Variants in NRDE2 observed in about 807,000 individuals in gnomAD.
The protein encoded by NRDE2 is NRDE-2, necessary for RNA interference, domain containing.
A neutral mutation model predicts 124.2 loss-of-function variants in NRDE2; 76 were observed. The ratio of observed to expected loss-of-function variants is 0.61; its 90% CI spans 0.51 to 0.74. The LOEUF (loss-of-function observed/expected upper bound fraction) is 0.74. Ranked by LOEUF, NRDE2 falls within the 30% of genes least tolerant of loss-of-function variation. The probability of loss-of-function intolerance (pLI) is 0.00; values close to 1 mark genes in which losing one functional copy is unlikely to be tolerated. For missense variants in NRDE2, 1,314 were observed against 1,417.3 expected, an observed-to-expected ratio of 0.93 and a Z score of 1.17; for synonymous variants, 489 against 528.1, an observed-to-expected ratio of 0.93 and a Z score of 1.01.
At chr14:90,302,661 A>G in intron 6 of NRDE2, 59 bp downstream of exon 6, 1 of 1,447,968 alleles carries the variant, frequency 6.9e-7, no homozygotes, top group Non-Finnish European at 9.3e-7. Context: ...TTCATTTTCA[A>G]GTAAAGCCAA....
intron 13 of NRDE2, chr14:90,278,793 C>T (rs1426474237): frequency 5.5e-6 from 3 of 542,520 alleles, no homozygotes; most frequent in Non-Finnish European, 9.9e-6. Flanking sequence ...ACTCTTTCAG[C>T]ATCTGGGCTG....
chr14:90,328,484 A>G (rs1205874302), intron 1 of NRDE2, among the ~76,000 whole-genome samples: 19 of 152,216 alleles, frequency 1.2e-4, no homozygotes, highest in Admixed American at 1.2e-3. Flanking sequence ...AACCTAAACA[A>G]TAATCATAAA....
Position 90,278,353 on chromosome 14 carries a change from G to T in NRDE2, c.3478C>A (p.Leu1160Met), listed in dbSNP as rs1039648672. ...GCTGCTCTCTAATCCTCCAGCAGCA[G>T]CTCCAGCTCCTCCAGCGGCAGGCGC... ...RVRLPLEELE[L>M]LLED Residue 1160 changes from leucine to methionine, a missense_variant, in exon 14 of 14, where the codon CTG (leucine) becomes ATG (methionine). Transcript: ENST00000354366. 4 of 1,614,120 alleles carry T rather than the reference G, an allele frequency of 2.5e-6. No homozygotes were observed. The highest frequency in any genetic ancestry group is 3.4e-6 in the Non-Finnish European group (4 of 1,179,966).
At chr14:90,297,940 C>CAAAAAA in intron 8 of NRDE2, among the ~76,000 whole-genome samples, 1 of 96,550 alleles carries the variant, frequency 1.0e-5, no homozygotes, top group African/African-American at 3.8e-5. Context: ...GATTCTGTCT[C>CAAAAAA]AAAAAAAAAA....
chr14:90,302,280 A>T (rs115425190), intron 6 of NRDE2, among the ~76,000 whole-genome samples: 4,220 of 152,302 alleles, frequency 0.028, 201 homozygotes, highest in African/African-American at 0.096. Flanking sequence ...TTAATGTTCC[A>T]GGTTCCTTCA....
intron 1 of NRDE2, among the ~76,000 whole-genome samples, chr14:90,323,290 G>A (rs1030605527): frequency 2.0e-5 from 3 of 152,090 alleles, no homozygotes; most frequent in African/African-American, 7.2e-5. Context: ...TCTACCACTA[G>A]TAAAAATGCT....
chr14:90,314,367 A>G (rs1884963844), intron 3 of NRDE2, among the ~76,000 whole-genome samples: 1 of 152,246 alleles, frequency 6.6e-6, no homozygotes, highest in African/African-American at 2.4e-5. Context: ...CTTCTTGGGA[A>G]GAGAATACAT....
intron 12 of NRDE2, chr14:90,281,225 G>A (rs1287390275): frequency 1.3e-5 from 2 of 152,792 alleles, no homozygotes; most frequent in Non-Finnish European, 2.9e-5. Flanking sequence ...TCAGTAGTTC[G>A]AGACCAGCCT....
intron 7 of NRDE2, among the ~76,000 whole-genome samples, chr14:90,299,697 C>A (rs575090787): frequency 6.6e-6 from 1 of 152,264 alleles, no homozygotes; most frequent in Non-Finnish European, 1.5e-5. Flanking sequence ...CAGGGCAGGG[C>A]AAACGTCCTG....
chr14:90,286,907 G>T lies in NRDE2; in HGVS notation c.3159-415C>A, dbSNP rs184140984. Among the ~76,000 whole-genome samples, 285 of 151,780 alleles carry T rather than the reference G, an allele frequency of 1.9e-3. 1 individual carries two copies. The highest frequency in any genetic ancestry group is 6.7e-3 in the African/African-American group (277 of 41,442). ...ACTAAAAATACAAAAATTAGCTGGTGCCTGTAGTCCCAGCTACTCGGGAGG... is the reference window on the plus strand; with the variant it reads ...ACTAAAAATACAAAAATTAGCTGGTTCCTGTAGTCCCAGCTACTCGGGAGG... On this transcript the variant is annotated intron_variant, in intron 11 of 13. Transcript: ENST00000354366.
intron 4 of NRDE2, 98 bp downstream of exon 4, chr14:90,312,296 G>C (rs1884870785): frequency 2.6e-6 from 3 of 1,149,256 alleles, no homozygotes; most frequent in South Asian, 2.8e-5. Flanking sequence ...CAGAACTGAT[G>C]AAAGAGAGAA....
At chr14:90,284,949 A>C (rs909688507) in intron 12 of NRDE2, among the ~76,000 whole-genome samples, 8 of 152,110 alleles carry the variant, frequency 5.3e-5, no homozygotes, top group African/African-American at 1.7e-4. Context: ...TTTAATCTCT[A>C]TGGTACTTTT....
At chr14:90,289,887 G>T (rs1376157456) in intron 10 of NRDE2, among the ~76,000 whole-genome samples, 1 of 152,168 alleles carries the variant, frequency 6.6e-6, no homozygotes, top group Non-Finnish European at 1.5e-5. Context: ...CGCGCCTGAC[G>T]CTGATCTATT....
At chr14:90,282,411 G>A (rs374485870) in intron 12 of NRDE2, among the ~76,000 whole-genome samples, 1 of 151,934 alleles carries the variant, frequency 6.6e-6, no homozygotes, top group African/African-American at 2.4e-5. Context: ...AGGAGGTTGA[G>A]GCTGCAGTGA....
rs745562444 is a variant in NRDE2 at position 90,288,300 on chromosome 14, G to A, written c.3075C>T (p.Thr1025=). The A allele has an allele frequency of 1.9e-6, 3 of 1,614,082 alleles. No individual in the cohort carries two copies. Among genetic ancestry groups the A allele is most frequent in the Non-Finnish European group, 2.5e-6 (3 of 1,180,054 alleles). ...AAGGCTCCAAGGGTTTGGCAGACCT[G>A]GTGATTGTGTCAAAAAATCTCCTGG... ...SKTRRFFDTI[T]RSAKPLEPWL... Residue 1025 remains threonine, a synonymous_variant, in exon 11 of 14, where the codon ACC becomes ACT. Coordinates refer to ENST00000354366, the MANE Select transcript of NRDE2 (RefSeq NM_017970.4).
rs199636568 is a variant in NRDE2, at chr14:90,283,706, G to GT, written c.3297+2647dup. Among the ~76,000 whole-genome samples the GT allele has an allele frequency of 1.4e-3, 209 of 147,224 alleles. 9 individuals carry two copies. The highest frequency in any genetic ancestry group is 1.8e-3 in the East Asian group (9 of 4,866). ...AAGAGAAATGCATAAACTTTTGCAG[G>GT]TTTTTTGTTTTTTTTTTTTTTGAGA... On this transcript the variant is annotated intron_variant, in intron 12 of 13. Coordinates refer to ENST00000354366, the MANE Select transcript of NRDE2 (RefSeq NM_017970.4).
At chr14:90,326,675 A>G (rs922409228) in intron 1 of NRDE2, among the ~76,000 whole-genome samples, 22 of 152,186 alleles carry the variant, frequency 1.4e-4, no homozygotes, top group African/African-American at 5.3e-4. Flanking sequence ...CCTGGTTTAC[A>G]ATCTCAACGT....
intron 3 of NRDE2, 29 bp downstream of exon 3, chr14:90,316,549 A>G (rs1362641261): frequency 6.0e-6 from 9 of 1,488,706 alleles, no homozygotes; most frequent in Non-Finnish European, 8.3e-6. Flanking sequence ...GACTTAAAAT[A>G]TCATAGGTGC....
chr14:90,290,206 C>T lies in NRDE2; in HGVS notation c.2229+15G>A, dbSNP rs371969084. On this transcript the variant is annotated intron_variant, in intron 10 of 13. Transcript: ENST00000354366. Reference sequence around the variant, plus strand: ...TGAAAAGTCCCCAAACATGGGAGGACGAGTCTGGAATTACCTTTGCAATCT... The same window carrying T: ...TGAAAAGTCCCCAAACATGGGAGGATGAGTCTGGAATTACCTTTGCAATCT... 9.7e-5 allele frequency: 155 copies of T among 1,605,574 alleles called. No individual in the cohort carries two copies. Among genetic ancestry groups the T allele is most frequent in the Middle Eastern group, 3.5e-4 (2 of 5,744 alleles).
Sources: allele counts gnomAD v4.1 joint callset (sites outside exome capture counted in the v4.1 genomes callset), GRCh38; gene constraint gnomAD v4.1.1; transcripts MANE v1.5; gene names NCBI Gene and HGNC (gene_info 2026-07-23, HGNC 2026-07-21).